The following LMO7 variants were observed in gnomAD, a reference collection of about 807,000 sequenced individuals.
LMO7 encodes LIM domain 7, also known as LIM domain only protein 7.
A neutral mutation model predicts 206.5 loss-of-function variants in LMO7; 120 were observed. The ratio of observed to expected loss-of-function variants is 0.58; its 90% CI spans 0.50 to 0.68. The LOEUF is 0.68. LMO7 is among the 30% of genes least tolerant of loss of function. LMO7 has a pLI of 0.00. For synonymous variants in LMO7, 706 were observed against 681.5 expected, an observed-to-expected ratio of 1.04 and a Z score of -0.56; for missense variants, 1,959 against 1,957.9, an observed-to-expected ratio of 1.00 and a Z score of -0.01.
At chr13:75,765,680 G>T (rs558648599) in intron 4 of LMO7, among the ~76,000 whole-genome samples, 2 of 152,208 alleles carry the variant, frequency 1.3e-5, no homozygotes, top group East Asian at 3.9e-4. Flanking sequence ...GACAAAGTTT[G>T]AATATCTAAG....
rs2055220168 is a variant in LMO7 at position 75,804,763 on chromosome 13, T to G, written c.914+222T>G. The G allele has an allele frequency of 3.1e-5, 33 of 1,058,656 alleles. No homozygotes were observed. The South Asian group carries it at 7.6e-4, about 25-fold the overall frequency. 65.6% of individuals were successfully genotyped at this position (1,058,656 alleles called of 1,614,324 possible). The stretch of plus-strand genomic sequence containing the variant: ...ATGATTTGCTAGGTCTTTTTTTAGA[T>G]GCATGACTTCAGTTTATTGGTATTT... On this transcript the variant is annotated intron_variant, in intron 8 of 30. Coordinates refer to ENST00000377534, the MANE Select transcript of LMO7 (RefSeq NM_001306080.2).
At chr13:75,806,056 A>C in intron 9 of LMO7, 1 of 1,143,986 alleles carries the variant, frequency 8.7e-7, no homozygotes, top group Non-Finnish European at 1.1e-6. Context: ...TGTCACTCAC[A>C]GTAGAAGGAA....
At chr13:75,687,463 ACTTTAT>A (rs2041111360) in intron 1 of LMO7, among the ~76,000 whole-genome samples, 1 of 152,118 alleles carries the variant, frequency 6.6e-6, no homozygotes, top group African/African-American at 2.4e-5. Context: ...CTTTGTACTG[ACTTTAT>A]ACTTGTCTTC....
chr13:75,663,994 A>G (rs1326549684), intron 1 of LMO7, among the ~76,000 whole-genome samples: 1 of 152,180 alleles, frequency 6.6e-6, no homozygotes, highest in Non-Finnish European at 1.5e-5. Context: ...CAATCCAATT[A>G]TACTCTTTCA....
chr13:75,851,104 C>T (rs71434811), intron 27 of LMO7, among the ~76,000 whole-genome samples: 283 of 152,286 alleles, frequency 1.9e-3, no homozygotes, highest in Non-Finnish European at 3.7e-3. Context: ...GCTGATGCCC[C>T]ATTGGCCAAA....
upstream of LMO7, among the ~76,000 whole-genome samples, chr13:75,635,020 AAACAAAAC>A (rs2035580436): frequency 2.6e-5 from 3 of 116,466 alleles, no homozygotes; most frequent in African/African-American, 6.0e-5. Flanking sequence ...AAACAAAACA[AAACAAAAC>A]AAAACAAAAC....
In LMO7 at chr13:75,771,689, A is replaced by C. The variant is rs549786550; in HGVS notation, c.317+10651A>C. ...AACTAAACTGTGTCTCTCTCCTCCA[A>C]ACGTCCTTGGCTGGGAATAAGTGGT... On this transcript the variant is annotated intron_variant, in intron 4 of 30. Coordinates refer to ENST00000377534, the MANE Select transcript of LMO7 (RefSeq NM_001306080.2). Among the ~76,000 whole-genome samples the C allele has an allele frequency of 9.8e-5, 12 of 122,608 alleles. No individual in the cohort carries two copies. The South Asian group carries it at 2.5e-3, about 26-fold the overall frequency. 80.4% of individuals were successfully genotyped at this position (122,608 alleles called of 152,430 possible).
At chr13:75,754,085 C>A (rs903843757) in intron 3 of LMO7, among the ~76,000 whole-genome samples, 2 of 152,160 alleles carry the variant, frequency 1.3e-5, no homozygotes, top group African/African-American at 4.8e-5. Flanking sequence ...TTAAAGTACA[C>A]AATTTAGTAG....
Position 75,761,000 on chromosome 13 carries a change from T to C in LMO7, c.279T>C (p.Pro93=). 1.2e-6 allele frequency: 2 copies of C among 1,613,226 alleles called. No homozygotes were observed. Among genetic ancestry groups the C allele is most frequent in the Non-Finnish European group, 1.7e-6 (2 of 1,179,558 alleles). The change falls in exon 4 of 31, where the codon CCT becomes CCC. Residue 93 remains proline, a synonymous_variant. Transcript: ENST00000377534. ...IGLKEAQLFH[P]GDLQDLSNRV... Reference sequence around the variant, plus strand: ...TGAAAGAAGCCCAGCTTTTCCATCCTGGAGATCTACAGGATTTATCAAATC... The same window carrying C: ...TGAAAGAAGCCCAGCTTTTCCATCCCGGAGATCTACAGGATTTATCAAATC...
At chr13:75,852,722 G>A (rs762550174) in intron 27 of LMO7, among the ~76,000 whole-genome samples, 4 of 152,252 alleles carry the variant, frequency 2.6e-5, no homozygotes, top group East Asian at 1.9e-4. Flanking sequence ...CTTCCAGTAC[G>A]GTATTCAGTA....
intron 4 of LMO7, among the ~76,000 whole-genome samples, chr13:75,782,685 C>T (rs1489032572): frequency 6.6e-6 from 1 of 152,292 alleles, no homozygotes; most frequent in East Asian, 1.9e-4. Context: ...TCTTGCAGCT[C>T]CAGGGGAGAA....
chr13:75,786,628 G>A (rs969190414), intron 4 of LMO7, among the ~76,000 whole-genome samples: 17 of 151,910 alleles, frequency 1.1e-4, no homozygotes, highest in South Asian at 4.2e-4. Flanking sequence ...CTCATGATCT[G>A]CCCGCCTCGG....
upstream of LMO7, among the ~76,000 whole-genome samples, chr13:75,634,750 A>C (rs908952967): frequency 4.0e-5 from 6 of 150,836 alleles, no homozygotes; most frequent in Admixed American, 1.3e-4. Context: ...AAAAACAAAC[A>C]AACAAACAAG....
At chr13:75,643,751 G>A (rs553062162) in intron 1 of LMO7, among the ~76,000 whole-genome samples, 12 of 152,298 alleles carry the variant, frequency 7.9e-5, no homozygotes, top group Admixed American at 5.2e-4. Context: ...TTCAATCTGT[G>A]GCTTTGCTTA....
intron 4 of LMO7, among the ~76,000 whole-genome samples, chr13:75,777,355 A>G (rs2050649150): frequency 6.6e-6 from 1 of 152,196 alleles, no homozygotes; most frequent in African/African-American, 2.4e-5. Context: ...GCTATTCCAC[A>G]TTTAAGAATA....
chr13:75,624,022 G>A (rs891111105), intron 2 of LMO7, among the ~76,000 whole-genome samples: 3 of 152,160 alleles, frequency 2.0e-5, no homozygotes, highest in African/African-American at 7.2e-5. Flanking sequence ...TCTTCCTCCA[G>A]TATCTCCATG....
chr13:75,744,685 G>A (rs1327768559), intron 3 of LMO7, among the ~76,000 whole-genome samples: 3 of 152,202 alleles, frequency 2.0e-5, no homozygotes, highest in Non-Finnish European at 2.9e-5. Context: ...CCATGACTGT[G>A]CTTCCCATCC....
At chr13:75,843,153 G>A (rs2059688186) in intron 25 of LMO7, among the ~76,000 whole-genome samples, 1 of 152,222 alleles carries the variant, frequency 6.6e-6, no homozygotes, top group African/African-American at 2.4e-5. Context: ...CCCTTGGGCA[G>A]CCTTTTAGTT....
At chr13:75,681,718 G>GTATGTATATATATATATA (rs1555293391) in intron 1 of LMO7, among the ~76,000 whole-genome samples, 14 of 104,556 alleles carry the variant, frequency 1.3e-4, no homozygotes, top group South Asian at 3.4e-4. Flanking sequence ...ATATATATAT[G>GTATGTATATATATATATA]TATATATATA....
Sources: gnomAD v4.1 joint callset for allele counts (sites outside exome capture counted in the v4.1 genomes callset) on GRCh38, gnomAD v4.1.1 for gene constraint, MANE v1.5 for transcripts, NCBI Gene and HGNC (gene_info 2026-07-23, HGNC 2026-07-21) for gene names.